MAF: variants seen among roughly 807,000 people sequenced by gnomAD.
MAF encodes the protein transcription factor Maf.
Under a neutral mutation model 22.0 loss-of-function variants are expected in MAF, and 10 were observed. That is an observed-to-expected ratio of 0.45 (90% CI 0.28 to 0.77). The LOEUF is 0.77. Ranked by LOEUF, MAF falls within the 30% of genes least tolerant of loss-of-function variation. The pLI, the probability that MAF is intolerant of heterozygous loss-of-function variation, is 0.12. For synonymous variants in MAF, 337 were observed against 255.8 expected, an observed-to-expected ratio of 1.32 and a Z score of -3.03; for missense variants, 544 against 548.4, an observed-to-expected ratio of 0.99 and a Z score of 0.08.
the MAF span, among the ~76,000 whole-genome samples, chr16:79,571,496 T>C: frequency 2.0e-5 from 3 of 151,170 alleles, no homozygotes; most frequent in South Asian, 4.2e-4. Flanking sequence ...TGGTGCAGTA[T>C]TAGCATACTA....
the MAF span, among the ~76,000 whole-genome samples, chr16:79,366,414 G>C: frequency 6.6e-6 from 1 of 152,134 alleles, no homozygotes; most frequent in Admixed American, 6.5e-5. Context: ...GTAACCTTGG[G>C]TCATTCTCAT....
chr16:79,595,136 A>AAC, intron 1 of MAF: 1 of 1,041,298 alleles, frequency 9.6e-7, no homozygotes, highest in Non-Finnish European at 1.2e-6. Context: ...AAAAAAAAAA[A>AAC]AAAGGAAAGA....
At chr16:79,392,782 C>T in the MAF span, among the ~76,000 whole-genome samples, 5 of 152,176 alleles carry the variant, frequency 3.3e-5, no homozygotes, top group African/African-American at 1.2e-4. Flanking sequence ...ATCCCCACAG[C>T]TTCCCTACCT....
At chr16:79,286,434 A>T in the MAF span, among the ~76,000 whole-genome samples, 17 of 152,238 alleles carry the variant, frequency 1.1e-4, no homozygotes, top group Non-Finnish European at 1.8e-4. Context: ...ATAGTTTCAT[A>T]GCATAAATTC....
the MAF span, among the ~76,000 whole-genome samples, chr16:79,523,738 A>G: frequency 6.6e-6 from 1 of 152,358 alleles, no homozygotes; most frequent in East Asian, 1.9e-4. Context: ...CAGAGATTAA[A>G]TAACTCGTGC....
chr16:79,286,060 C>G, the MAF span, among the ~76,000 whole-genome samples: 1 of 152,154 alleles, frequency 6.6e-6, no homozygotes, highest in African/African-American at 2.4e-5. Flanking sequence ...CAGTTCCTAC[C>G]TAATAAGTTT....
the MAF span, among the ~76,000 whole-genome samples, chr16:79,283,185 A>AATGG: frequency 2.0e-5 from 3 of 152,270 alleles, no homozygotes; most frequent in Admixed American, 6.5e-5. Flanking sequence ...TGGACGGATG[A>AATGG]ATGGATGGAT....
the MAF span, among the ~76,000 whole-genome samples, chr16:79,476,074 T>G: frequency 6.6e-6 from 1 of 152,202 alleles, no homozygotes; most frequent in Non-Finnish European, 1.5e-5. Flanking sequence ...GAAGAGAATT[T>G]AAGCTTCCCC....
At chr16:79,542,665 C>A in the MAF span, among the ~76,000 whole-genome samples, 1 of 152,326 alleles carries the variant, frequency 6.6e-6, no homozygotes, top group South Asian at 2.1e-4. Context: ...ATCTTGCAAG[C>A]TTGGACTTTC....
At chr16:79,206,289 C>G in the MAF span, 2 of 152,196 alleles carry the variant, frequency 1.3e-5, no homozygotes, top group African/African-American at 4.8e-5. Context: ...CCGTGGAAGA[C>G]ATAGATGAGG....
chr16:79,453,950 GGATT>G, the MAF span, among the ~76,000 whole-genome samples: 18 of 152,106 alleles, frequency 1.2e-4, no homozygotes, highest in South Asian at 2.1e-3. Context: ...TTAGTTTATT[GGATT>G]ATTATTAATA....
At chr16:79,474,252 A>G in the MAF span, among the ~76,000 whole-genome samples, 702 of 152,326 alleles carry the variant, frequency 4.6e-3, 4 homozygotes, top group African/African-American at 0.016. Flanking sequence ...TGGAAACCTT[A>G]ACGCATTTTG....
chr16:79,219,600 G>A, the MAF span, among the ~76,000 whole-genome samples: 10 of 140,720 alleles, frequency 7.1e-5, no homozygotes, highest in East Asian at 4.6e-4. Context: ...TGAAGTGAAT[G>A]TTACTGTCCC....
chr16:79,541,774 G>C, the MAF span, among the ~76,000 whole-genome samples: 3 of 149,638 alleles, frequency 2.0e-5, no homozygotes, highest in African/African-American at 7.4e-5. Context: ...TCCTGCCTCA[G>C]CGTCTTCAGT....
the MAF span, among the ~76,000 whole-genome samples, chr16:79,499,559 C>T: frequency 1.3e-5 from 2 of 152,024 alleles, no homozygotes; most frequent in South Asian, 2.1e-4. Flanking sequence ...GATTAAGTCA[C>T]GAGAATGGGG....
chr16:79,284,420 G>A, the MAF span, among the ~76,000 whole-genome samples: 2 of 152,132 alleles, frequency 1.3e-5, no homozygotes, highest in South Asian at 4.1e-4. Flanking sequence ...ATACCTGAGT[G>A]GCAACTATAT....
At chr16:79,427,591 A>T in the MAF span, among the ~76,000 whole-genome samples, 1 of 152,140 alleles carries the variant, frequency 6.6e-6, no homozygotes, top group East Asian at 1.9e-4. Context: ...CAGGGTGCAC[A>T]GCCAGGAATG....
At chr16:79,368,141 G>A in the MAF span, among the ~76,000 whole-genome samples, 30 of 152,288 alleles carry the variant, frequency 2.0e-4, 1 homozygote, top group East Asian at 2.5e-3. Context: ...CTCCAGAATG[G>A]AGCACAGAGA....
the MAF span, among the ~76,000 whole-genome samples, chr16:79,228,531 T>C: frequency 5.9e-5 from 9 of 152,166 alleles, no homozygotes; most frequent in South Asian, 1.9e-3. Context: ...TCTGTGGCTG[T>C]GAGTCTTCAC....
Sources: gnomAD v4.1 joint callset for allele counts (sites outside exome capture counted in the v4.1 genomes callset) on GRCh38, gnomAD v4.1.1 for gene constraint, MANE v1.5 for transcripts, NCBI Gene and HGNC (gene_info 2026-07-23, HGNC 2026-07-21) for gene names.